The following IGBP1C variants were observed in gnomAD, a reference collection of about 807,000 sequenced individuals.
IGBP1C encodes immunoglobulin-binding protein 1 family member C.
chr17:58,676,057 TG>T, the IGBP1C span, among the ~76,000 whole-genome samples: 1 of 152,002 alleles, frequency 6.6e-6, no homozygotes, highest in East Asian at 1.9e-4. Flanking sequence ...CTGACCAACA[TG>T]GTGAAACCCT....
the IGBP1C span, among the ~76,000 whole-genome samples, chr17:58,676,648 C>G: frequency 3.9e-5 from 6 of 152,232 alleles, no homozygotes; most frequent in African/African-American, 1.4e-4. Flanking sequence ...TTTTAGAATG[C>G]AATGAATGAA....
chr17:58,669,719 G>C, the IGBP1C span, among the ~76,000 whole-genome samples: 164 of 118,616 alleles, frequency 1.4e-3, 1 homozygote, highest in African/African-American at 5.2e-3. Flanking sequence ...GGGCAACAGA[G>C]AGAGACTCCG....
chr17:58,689,935 C>T, the IGBP1C span, among the ~76,000 whole-genome samples: 1 of 148,966 alleles, frequency 6.7e-6, no homozygotes, highest in African/African-American at 2.5e-5. Flanking sequence ...CTGCAAGCTC[C>T]GCCTCCTGGG....
At chr17:58,677,119 CAA>C in the IGBP1C span, among the ~76,000 whole-genome samples, 374 of 78,582 alleles carry the variant, frequency 4.8e-3, 2 homozygotes, top group African/African-American at 0.015. Flanking sequence ...AACTCCGTCT[CAA>C]AAAAAAAAAA....
chr17:58,660,744 C>T, the IGBP1C span: 1 of 781,308 alleles, frequency 1.3e-6, no homozygotes, highest in East Asian at 2.4e-5. Flanking sequence ...TTGGCTATTC[C>T]CTGATCTGGT....
At chr17:58,667,007 G>A in the IGBP1C span, among the ~76,000 whole-genome samples, 1 of 152,148 alleles carries the variant, frequency 6.6e-6, no homozygotes, top group Non-Finnish European at 1.5e-5. Flanking sequence ...TCTCCTGCTC[G>A]CGTCAATGCA....
chr17:58,681,152 T>C, the IGBP1C span, among the ~76,000 whole-genome samples: 1 of 151,998 alleles, frequency 6.6e-6, no homozygotes, highest in Non-Finnish European at 1.5e-5. Context: ...GGTGGGCACC[T>C]GGGTACTCGG....
chr17:58,681,763 A>G, the IGBP1C span, among the ~76,000 whole-genome samples: 1 of 152,052 alleles, frequency 6.6e-6, no homozygotes, highest in South Asian at 2.1e-4. Flanking sequence ...GAATCGCTTG[A>G]ACCTGAAAGG....
At chr17:58,666,905 T>G in the IGBP1C span, among the ~76,000 whole-genome samples, 1 of 152,264 alleles carries the variant, frequency 6.6e-6, no homozygotes, top group East Asian at 1.9e-4. Context: ...ATCTACATAC[T>G]CCACCTCCCG....
chr17:58,664,609 G>A, the IGBP1C span, among the ~76,000 whole-genome samples: 1 of 152,166 alleles, frequency 6.6e-6, no homozygotes, highest in Non-Finnish European at 1.5e-5. Context: ...ATAGTCTGTA[G>A]GGAAAACAGA....
chr17:58,680,215 T>C, the IGBP1C span, among the ~76,000 whole-genome samples: 1 of 152,122 alleles, frequency 6.6e-6, no homozygotes, highest in East Asian at 1.9e-4. Context: ...CGCGCACGGC[T>C]TTCTTGCGCA....
the IGBP1C span, among the ~76,000 whole-genome samples, chr17:58,683,226 A>G: frequency 6.6e-6 from 1 of 151,468 alleles, no homozygotes; most frequent in Non-Finnish European, 1.5e-5. Flanking sequence ...TACAAAAATT[A>G]GCTGGGCATG....
the IGBP1C span, among the ~76,000 whole-genome samples, chr17:58,685,996 CAAAA>C: frequency 1.2e-5 from 1 of 82,656 alleles, no homozygotes; most frequent in African/African-American, 4.8e-5. Context: ...CTCTGTCTCA[CAAAA>C]AAAAAAAAAA....
chr17:58,673,338 C>A, the IGBP1C span, among the ~76,000 whole-genome samples: 2 of 151,644 alleles, frequency 1.3e-5, no homozygotes, highest in Admixed American at 1.3e-4. Context: ...AAAAAATTAG[C>A]CAGGCGTAGT....
At chr17:58,660,992 A>G in the IGBP1C span, 2 of 1,174,574 alleles carry the variant, frequency 1.7e-6, no homozygotes, top group East Asian at 4.7e-5. Flanking sequence ...GCTGATATCA[A>G]TCCACCTCTG....
chr17:58,664,451 C>T, the IGBP1C span, among the ~76,000 whole-genome samples: 1 of 152,204 alleles, frequency 6.6e-6, no homozygotes, highest in Non-Finnish European at 1.5e-5. Context: ...TGAAAAACAC[C>T]TGTTCTCAAG....
chr17:58,680,206 G>A, the IGBP1C span, among the ~76,000 whole-genome samples: 3 of 151,994 alleles, frequency 2.0e-5, no homozygotes, highest in Admixed American at 6.6e-5. Flanking sequence ...AAAAACAGGC[G>A]CGCACGGCTT....
At chr17:58,678,625 G>C in the IGBP1C span, among the ~76,000 whole-genome samples, 1 of 151,936 alleles carries the variant, frequency 6.6e-6, no homozygotes, top group East Asian at 1.9e-4. Flanking sequence ...ATTGAACAAT[G>C]AGAACACTTG....
At chr17:58,681,346 AAG>A in the IGBP1C span, among the ~76,000 whole-genome samples, 4 of 152,132 alleles carry the variant, frequency 2.6e-5, no homozygotes, top group African/African-American at 9.7e-5. Flanking sequence ...TGGGGAGAAA[AAG>A]AATATTGGGA....
Sources: gnomAD v4.1 joint callset for allele counts (sites outside exome capture counted in the v4.1 genomes callset) on GRCh38, gnomAD v4.1.1 for gene constraint, MANE v1.5 for transcripts, NCBI Gene and HGNC (gene_info 2026-07-23, HGNC 2026-07-21) for gene names.